Variants in ZNF236 observed in about 807,000 individuals in gnomAD.
The protein encoded by ZNF236 is zinc finger protein 236.
A neutral mutation model predicts 191.2 loss-of-function variants in ZNF236; 50 were observed. That is an observed-to-expected ratio of 0.26 (90% CI 0.21 to 0.33). The LOEUF (loss-of-function observed/expected upper bound fraction) is 0.33, where lower values mean the gene tolerates loss of function less well. Ranked by LOEUF, ZNF236 falls within the 10% of genes least tolerant of loss-of-function variation. The probability of loss-of-function intolerance (pLI) is 1.00; values close to 1 mark genes in which losing one functional copy is unlikely to be tolerated. For synonymous variants in ZNF236, 907 were observed against 928.8 expected (o/e 0.98, Z 0.43); for missense variants, 1,754 against 2,374.5 (o/e 0.74, Z 5.43).
chr18:76,838,240 C>A (rs73487053), intron 1 of ZNF236, among the ~76,000 whole-genome samples: 1 of 152,148 alleles, frequency 6.6e-6, no homozygotes, highest in East Asian at 1.9e-4. Context: ...CATAAAGTTA[C>A]TATTTAGGAG....
At chr18:76,849,315 G>C (rs1262602058) in intron 1 of ZNF236, 5 of 469,870 alleles carry the variant, frequency 1.1e-5, no homozygotes, top group Non-Finnish European at 1.9e-5. Flanking sequence ...TTAGAATTCT[G>C]TTGTCCCATA....
In ZNF236 at chr18:76,960,448, CT is replaced by C. The variant is rs1968637448; in HGVS notation, c.5243-229del. 6.6e-6 allele frequency among the ~76,000 whole-genome samples: 1 copy of C among 152,124 alleles called. No homozygotes were observed. Among genetic ancestry groups the C allele is most frequent in the Non-Finnish European group, 1.5e-5 (1 of 68,028 alleles). On this transcript the variant is annotated intron_variant, in intron 29 of 30. Coordinates refer to ENST00000320610, the MANE Select transcript of ZNF236 (RefSeq NM_001306089.2). This position sits in a 1 kb window ranked among gnomAD's most constrained non-coding sequence, Gnocchi z 4.4. ...TCCACAGGCTGCATCCACCGTGGCC[CT>C]TCCATGGCTCTCTGATCCCTCCGCC...
rs11380490 is a variant in ZNF236, at chr18:76,921,737, C to CTTTTTT, written c.3558-1317_3558-1312dup. Among the ~76,000 whole-genome samples, 68 of 98,024 alleles carry CTTTTTT rather than the reference C, an allele frequency of 6.9e-4. 1 individual carries two copies. Among genetic ancestry groups the CTTTTTT allele is most frequent in the African/African-American group, 8.7e-4 (23 of 26,482 alleles). The allele number at this position is 98,024 out of a possible 152,430, so 64.3% of individuals were successfully genotyped here. A position where few individuals can be genotyped will look rare whatever the true frequency, so the allele number is the denominator to read the frequency against. The stretch of plus-strand genomic sequence containing the variant: ...CTGAAGACCAGAAGAGTGGGATGTT[C>CTTTTTT]TTTTTTTTTTTTTTTTTTTTTTGAG... On this transcript the variant is annotated intron_variant, in intron 20 of 30. Coordinates refer to ENST00000320610, the MANE Select transcript of ZNF236 (RefSeq NM_001306089.2).
Position 76,972,370 on chromosome 18 carries a change from G to A in ZNF236, c.*4031G>A, listed in dbSNP as rs1257625807. On this transcript the variant is annotated 3_prime_UTR_variant, in exon 31 of 31. Transcript: ENST00000320610. ...TCCTGTTTGGTGGCTGGCCCTCTCCGAACGGATTCCCCTCCTCAGACCCCC... is the reference window on the plus strand; with the variant it reads ...TCCTGTTTGGTGGCTGGCCCTCTCCAAACGGATTCCCCTCCTCAGACCCCC... Among the ~76,000 whole-genome samples, 4 of 151,996 alleles carry A rather than the reference G, an allele frequency of 2.6e-5. No individual in the cohort carries two copies. The highest frequency in any genetic ancestry group is 6.5e-5 in the Admixed American group (1 of 15,272).
At chr18:76,840,683 TG>T (rs1975459004) in intron 1 of ZNF236, among the ~76,000 whole-genome samples, 1 of 139,866 alleles carries the variant, frequency 7.1e-6, no homozygotes, top group South Asian at 2.3e-4. Flanking sequence ...TGGAGTGCAG[TG>T]ACGTGATCTT....
chr18:76,831,950 T>C (rs1416272424), intron 1 of ZNF236, among the ~76,000 whole-genome samples: 1 of 152,218 alleles, frequency 6.6e-6, no homozygotes, highest in Non-Finnish European at 1.5e-5. Flanking sequence ...TAAAGATACC[T>C]TCTAATCAAT....
At chr18:76,898,699 T>C (rs1599375953) in intron 10 of ZNF236, among the ~76,000 whole-genome samples, 2 of 152,166 alleles carry the variant, frequency 1.3e-5, no homozygotes, top group South Asian at 4.1e-4. Flanking sequence ...TTACAGGTGG[T>C]GACTTAAGAG....
intron 1 of ZNF236, chr18:76,834,566 G>A: frequency 2.1e-6 from 1 of 484,124 alleles, no homozygotes. Flanking sequence ...ACCTTGCTGG[G>A]GTGAATGCCT....
chr18:76,874,698 G>A (rs1044633569), intron 5 of ZNF236, among the ~76,000 whole-genome samples: 1 of 152,174 alleles, frequency 6.6e-6, no homozygotes, highest in East Asian at 1.9e-4. Flanking sequence ...TTGAGCAAAG[G>A]CCTGAAGAAT....
Position 76,969,518 on chromosome 18 carries a change from G to A in ZNF236, c.*1179G>A, listed in dbSNP as rs558005016. The stretch of plus-strand genomic sequence containing the variant: ...TAAGTACTAGTCCTAATTGCAGAAA[G>A]AGCGTCAGTTTCACCTCCCCACGAG... On this transcript the variant is annotated 3_prime_UTR_variant, in exon 31 of 31. Coordinates refer to ENST00000320610, the MANE Select transcript of ZNF236 (RefSeq NM_001306089.2). 6 of 152,628 alleles carry A rather than the reference G, an allele frequency of 3.9e-5. No homozygotes were observed. The South Asian group carries it at 8.3e-4, about 21-fold the overall frequency. The allele number at this position is 152,628 out of a possible 1,614,324, so 9.5% of individuals were successfully genotyped here.
intron 25 of ZNF236, among the ~76,000 whole-genome samples, chr18:76,933,051 G>A (rs1967899593): frequency 6.6e-6 from 1 of 152,212 alleles, no homozygotes; most frequent in Non-Finnish European, 1.5e-5. Context: ...CAGGCGAGCT[G>A]TCCTCAGTCA....
chr18:76,823,148 G>A (rs903368354), intron 1 of ZNF236, among the ~76,000 whole-genome samples: 4 of 151,822 alleles, frequency 2.6e-5, no homozygotes, highest in African/African-American at 9.7e-5. Flanking sequence ...CGCGGCGCCG[G>A]CTGCCCCGGG....
chr18:76,960,542 T>G lies in ZNF236; in HGVS notation c.5243-137T>G. ...GTCTCCCTATGGCTCCTCCAGCCCT[T>G]TGTTCAGATGACAGCCAGGCTGAAA... On this transcript the variant is annotated intron_variant, in intron 29 of 30. Coordinates refer to ENST00000320610, the MANE Select transcript of ZNF236 (RefSeq NM_001306089.2). The surrounding 1 kb of genome is among the most constrained non-coding windows in gnomAD (Gnocchi z 4.4). 1.7e-6 allele frequency: 2 copies of G among 1,148,720 alleles called. No homozygotes were observed. Among genetic ancestry groups the G allele is most frequent in the South Asian group, 2.6e-5 (2 of 76,816 alleles). 71.2% of individuals were successfully genotyped at this position (1,148,720 alleles called of 1,614,324 possible). A position where few individuals can be genotyped will look rare whatever the true frequency, so the allele number is the denominator to read the frequency against.
At chr18:76,832,319 G>A (rs1250670834) in intron 1 of ZNF236, among the ~76,000 whole-genome samples, 1 of 152,122 alleles carries the variant, frequency 6.6e-6, no homozygotes, top group East Asian at 1.9e-4. Context: ...CGCCTCAGGT[G>A]GTCCGCCCAC....
rs1397167063 is a variant in ZNF236 at position 76,919,987 on chromosome 18, G to C, written c.3486G>C (p.Gln1162His). ...TGAGGGACAAGCAGGCGGAGCTGCA[G>C]GACGAGCCCAAGCACGCCAACTGCT... ...SELRDKQAEL[Q>H]DEPKHANCCT... Residue 1162 changes from glutamine (Q) to histidine (H), a missense_variant, in exon 20 of 31, where the codon CAG (glutamine) becomes CAC (histidine). Physicochemically the swap from Gln to His is conservative, Grantham distance 24. Around this residue, in one of 5 missense-constraint regions of ZNF236, gnomAD observed 641 missense variants for 869.6 expected, o/e 0.74. Coordinates refer to ENST00000320610, the MANE Select transcript of ZNF236 (RefSeq NM_001306089.2). The surrounding 1 kb of genome is among the most constrained non-coding windows in gnomAD (Gnocchi z 5.3). 6.2e-7 allele frequency: 1 copy of C among 1,613,794 alleles called. No homozygotes were observed. Among genetic ancestry groups the C allele is most frequent in the South Asian group, 1.1e-5 (1 of 91,060 alleles).
rs1378454329 is a variant in ZNF236 at position 76,971,445 on chromosome 18, ACATGAACAT to A, written c.*3109_*3117del. On this transcript the variant is annotated 3_prime_UTR_variant, in exon 31 of 31. Transcript: ENST00000320610. ...TTCCTGACAGTGTTCTGCTGGTGGG[ACATGAACAT>A]CAGTGCTTGTCTGGCACTTAACTAG... Among the ~76,000 whole-genome samples, 2 of 152,202 alleles carry A rather than the reference ACATGAACAT, an allele frequency of 1.3e-5. No individual in the cohort carries two copies. The highest frequency in any genetic ancestry group is 4.8e-5 in the African/African-American group (2 of 41,444).
intron 3 of ZNF236, among the ~76,000 whole-genome samples, chr18:76,858,364 C>G (rs1042158477): frequency 8.5e-5 from 13 of 152,172 alleles, no homozygotes; most frequent in African/African-American, 2.4e-4. Flanking sequence ...TCACCTCCCC[C>G]CTTCTCCCTT....
At chr18:76,831,793 A>G (rs187157946) in intron 1 of ZNF236, among the ~76,000 whole-genome samples, 29 of 152,248 alleles carry the variant, frequency 1.9e-4, no homozygotes, top group African/African-American at 6.7e-4. Context: ...TTTAATTTTT[A>G]ACATACGATG....
chr18:76,851,265 T>A (rs1427003736), intron 2 of ZNF236, among the ~76,000 whole-genome samples: 1 of 115,826 alleles, frequency 8.6e-6, no homozygotes, highest in African/African-American at 4.7e-5. Flanking sequence ...AAAGAAACCT[T>A]TTTTTTTTTT....
Sources: allele counts gnomAD v4.1 joint callset (sites outside exome capture counted in the v4.1 genomes callset), GRCh38; gene constraint gnomAD v4.1.1; regional missense constraint gnomAD v4.1.1; non-coding constraint Gnocchi (gnomAD v3.1); transcripts MANE v1.5; gene names NCBI Gene and HGNC (gene_info 2026-07-23, HGNC 2026-07-21).